Variants in DNAAF5 observed in about 807,000 individuals in gnomAD.
The protein encoded by DNAAF5 is dynein axonemal assembly factor 5.
DNAAF5 carries 64 observed loss-of-function variants against 75.8 expected under a neutral mutation model. That is an observed-to-expected ratio of 0.84 (90% CI 0.69 to 1.04). The LOEUF is 1.04. DNAAF5 is among the 50% of genes least tolerant of loss of function. The probability of loss-of-function intolerance (pLI) is 0.00; values close to 1 mark genes in which losing one functional copy is unlikely to be tolerated. For synonymous variants in DNAAF5, 657 were observed against 557.2 expected (o/e 1.18, Z -2.52); for missense variants, 1,269 against 1,178.5 (o/e 1.08, Z -1.12).
intron 6 of DNAAF5, among the ~76,000 whole-genome samples, chr7:757,641 C>G (rs1478296932): frequency 1.3e-5 from 2 of 152,236 alleles, no homozygotes; most frequent in Non-Finnish European, 2.9e-5. Context: ...TAGTTGGGCT[C>G]AATTGTTTGG....
At chr7:770,787 CCGGGGG>C in intron 9 of DNAAF5, 169 bp downstream of exon 9, 1 of 631,484 alleles carries the variant, frequency 1.6e-6, no homozygotes, top group South Asian at 2.6e-5. Flanking sequence ...CAAAGGTGGG[CCGGGGG>C]TCCCCACCTC....
chr7:748,836 C>T (rs1056351069), intron 4 of DNAAF5, among the ~76,000 whole-genome samples: 6 of 152,170 alleles, frequency 3.9e-5, no homozygotes, highest in African/African-American at 9.7e-5. Flanking sequence ...ACAGTCCAAC[C>T]GTGTGGTTGG....
intron 4 of DNAAF5, among the ~76,000 whole-genome samples, chr7:746,721 T>TC (rs1562382315): frequency 6.6e-6 from 1 of 151,754 alleles, no homozygotes. Context: ...TGATAGCCCT[T>TC]CCCCCGGGAC....
chr7:731,382 A>G (rs1304907050), intron 2 of DNAAF5, among the ~76,000 whole-genome samples: 4 of 152,244 alleles, frequency 2.6e-5, no homozygotes, highest in Admixed American at 1.3e-4. Context: ...CTCTGTAAAT[A>G]CTGGAACTCT....
chr7:784,334 C>T (rs544782419), intron 12 of DNAAF5, among the ~76,000 whole-genome samples: 16 of 152,312 alleles, frequency 1.1e-4, no homozygotes, highest in East Asian at 7.7e-4. Flanking sequence ...TGCCTGGTGC[C>T]GAACCCTGGG....
chr7:730,980 G>C (rs73256268), intron 2 of DNAAF5, among the ~76,000 whole-genome samples: 24,118 of 152,166 alleles, frequency 0.16, 2,109 homozygotes, highest in East Asian at 0.29. Context: ...TGTCCATGCT[G>C]CCCGGCACTT....
rs1023085536 is a variant in DNAAF5 at position 769,157 on chromosome 7, G to A, written c.1784-1314G>A. Reference sequence around the variant, plus strand: ...CGAGCAGCCTGCTCTGATGACTGGCGGCGCCAGGGAGAAGGCTCACATCGC... The same window carrying A: ...CGAGCAGCCTGCTCTGATGACTGGCAGCGCCAGGGAGAAGGCTCACATCGC... On this transcript the variant is annotated intron_variant, in intron 8 of 12. Coordinates refer to ENST00000297440, the MANE Select transcript of DNAAF5 (RefSeq NM_017802.4). 7 of 773,516 alleles carry A rather than the reference G, an allele frequency of 9.0e-6. No individual in the cohort carries two copies. In the African/African-American group the frequency reaches 1.0e-4, roughly 11 times the overall value. The allele number at this position is 773,516 out of a possible 1,614,324, so 47.9% of individuals were successfully genotyped here. A position where few individuals can be genotyped will look rare whatever the true frequency, so the allele number is the denominator to read the frequency against.
rs1379124889 is a variant in DNAAF5, at chr7:754,427, C to G, written c.1025-162C>G. ...GCCGTGCACCGCCTCTGTGAATGTT[C>G]TGAACGACGGGGCATTTGTCAGCTT... is the stretch of plus-strand genomic sequence containing the variant. On this transcript the variant is annotated intron_variant, in intron 4 of 12. Transcript: ENST00000297440. This position sits in a 1 kb window ranked among gnomAD's most constrained non-coding sequence, Gnocchi z 4.8. Among the ~76,000 whole-genome samples the G allele has an allele frequency of 6.6e-6, 1 of 152,176 alleles. No individual in the cohort carries two copies. Among genetic ancestry groups the G allele is most frequent in the African/African-American group, 2.4e-5 (1 of 41,438 alleles).
In DNAAF5 at chr7:754,849, G is replaced by A. The variant is rs374527717; in HGVS notation, c.1257+28G>A. 93 of 1,513,108 alleles carry A rather than the reference G, an allele frequency of 6.1e-5. No individual in the cohort carries two copies. The Middle Eastern group carries it at 8.3e-4, about 14-fold the overall frequency. The allele number at this position is 1,513,108 out of a possible 1,614,324, so 93.7% of individuals were successfully genotyped here. On this transcript the variant is annotated intron_variant, in intron 5 of 12. Transcript: ENST00000297440. The surrounding 1 kb of genome is among the most constrained non-coding windows in gnomAD (Gnocchi z 4.8). ...AAGTGGCCGTATTCCAGTCGTGGTC[G>A]CGGAGCTGTAACTCGAGCTTAAGAT...
rs193017738 is a variant in DNAAF5, at chr7:782,911, G to A, written c.2432-2606G>A. On this transcript the variant is annotated intron_variant, in intron 12 of 12. Coordinates refer to ENST00000297440, the MANE Select transcript of DNAAF5 (RefSeq NM_017802.4). Reference sequence around the variant, plus strand: ...ACGTCAGAAACTCGATCTTCCTGGCGTGGCCACCTCCCCTCCGGCGGCATC... The same window carrying A: ...ACGTCAGAAACTCGATCTTCCTGGCATGGCCACCTCCCCTCCGGCGGCATC... Among the ~76,000 whole-genome samples, 526 of 152,178 alleles carry A rather than the reference G, an allele frequency of 3.5e-3. 3 individuals carry two copies. Among genetic ancestry groups the A allele is most frequent in the African/African-American group, 0.011 (463 of 41,522 alleles).
rs975731274 is a variant in DNAAF5, at chr7:728,963, C to T, written c.596-700C>T. Among the ~76,000 whole-genome samples, 13 of 149,264 alleles carry T rather than the reference C, an allele frequency of 8.7e-5. No individual in the cohort carries two copies. The East Asian group carries it at 2.2e-3, about 25-fold the overall frequency. ...AGTAGTGCAGAGCTGAGGCAAGAGG[C>T]GGCCTGGATGCCAGAGACCCTTTGG... is the stretch of plus-strand genomic sequence containing the variant. On this transcript the variant is annotated intron_variant, in intron 1 of 12. Coordinates refer to ENST00000297440, the MANE Select transcript of DNAAF5 (RefSeq NM_017802.4).
chr7:730,675 C>T lies in DNAAF5; in HGVS notation c.780+828C>T, dbSNP rs558591505. Reference sequence around the variant, plus strand: ...GCCGGCTCCAGGTGTGACATAGCACCTGCTCAGGACACCCCTGCTTTGCCT... The same window carrying T: ...GCCGGCTCCAGGTGTGACATAGCACTTGCTCAGGACACCCCTGCTTTGCCT... On this transcript the variant is annotated intron_variant, in intron 2 of 12. Coordinates refer to ENST00000297440, the MANE Select transcript of DNAAF5 (RefSeq NM_017802.4). Among the ~76,000 whole-genome samples the T allele has an allele frequency of 1.4e-3, 213 of 152,298 alleles. 1 individual carries two copies. Among genetic ancestry groups the T allele is most frequent in the African/African-American group, 4.7e-3 (194 of 41,572 alleles).
At chr7:764,863 G>T (rs1041817304) in intron 8 of DNAAF5, among the ~76,000 whole-genome samples, 1 of 152,178 alleles carries the variant, frequency 6.6e-6, no homozygotes, top group Non-Finnish European at 1.5e-5. Flanking sequence ...TTGAGCTCAG[G>T]AGTTCGAGAC....
At position 729,785 on chromosome 7, in the gene DNAAF5, G is replaced by A. The variant is rs142141660; in HGVS notation, c.718G>A (p.Gly240Arg). 237 of 1,614,208 alleles carry A rather than the reference G, an allele frequency of 1.5e-4. No homozygotes were observed. In the African/African-American group the frequency reaches 1.8e-3, roughly 13 times the overall value. ...AGGCGCAGTGATCCATTTTGGCAAC[G>A]GGAAGTCCGTGGACGACGTGCTTTC... Reference protein sequence around the residue: ...ATGAVIHFGNGKSVDDVLSHF... With the variant: ...ATGAVIHFGNRKSVDDVLSHF... Residue 240 changes from glycine (G) to arginine (R), a missense_variant, in exon 2 of 13, where the codon GGG becomes AGG. Gly to Arg is a moderately radical substitution (Grantham distance 125). Transcript: ENST00000297440.
chr7:730,979 T>C (rs150075879), intron 2 of DNAAF5, among the ~76,000 whole-genome samples: 68 of 152,316 alleles, frequency 4.5e-4, no homozygotes, highest in African/African-American at 1.6e-3. Flanking sequence ...GTGTCCATGC[T>C]GCCCGGCACT....
At chr7:765,409 C>T (rs1583506557) in intron 8 of DNAAF5, among the ~76,000 whole-genome samples, 2 of 152,200 alleles carry the variant, frequency 1.3e-5, no homozygotes, top group African/African-American at 4.8e-5. Flanking sequence ...TCCTAACAAC[C>T]TCTTGCACCA....
intron 9 of DNAAF5, chr7:770,996 A>T: frequency 1.6e-5 from 1 of 63,396 alleles, no homozygotes; most frequent in Non-Finnish European, 3.6e-5. Flanking sequence ...ACAGAGAAGC[A>T]CTAAGTCAAA....
At position 754,733 on chromosome 7, in the gene DNAAF5, C is replaced by T; in HGVS notation, c.1169C>T (p.Ala390Val). 6.2e-7 allele frequency: 1 copy of T among 1,613,746 alleles called. No individual in the cohort carries two copies. Among genetic ancestry groups the T allele is most frequent in the South Asian group, 1.1e-5 (1 of 91,086 alleles). ...AQLLPVLLLHAEDHATQHLEV... is the reference protein window; with the variant it reads ...AQLLPVLLLHVEDHATQHLEV... ...CTGCTCCCAGTGCTGCTGCTGCATGCCGAGGACCACGCCACGCAGCACCTG... is the reference window on the plus strand; with the variant it reads ...CTGCTCCCAGTGCTGCTGCTGCATGTCGAGGACCACGCCACGCAGCACCTG... The change falls in exon 5 of 13, where the codon GCC (alanine) becomes GTC (valine). Residue 390 changes from alanine (A) to valine (V), a missense_variant. Physicochemically the swap from Ala to Val is moderately conservative, Grantham distance 64. Transcript: ENST00000297440. The surrounding 1 kb of genome is among the most constrained non-coding windows in gnomAD (Gnocchi z 4.8).
chr7:734,613 T>G (rs1413538680), intron 2 of DNAAF5, among the ~76,000 whole-genome samples: 1 of 152,260 alleles, frequency 6.6e-6, no homozygotes, highest in African/African-American at 2.4e-5. Context: ...GAGGTATTCC[T>G]TCCTCTTCTA....
Sources: gnomAD v4.1 joint callset for allele counts (sites outside exome capture counted in the v4.1 genomes callset) on GRCh38, gnomAD v4.1.1 for gene constraint, Gnocchi (gnomAD v3.1) non-coding constraint, MANE v1.5 for transcripts, NCBI Gene and HGNC (gene_info 2026-07-23, HGNC 2026-07-21) for gene names.